PKIA: variants seen among roughly 807,000 people sequenced by gnomAD.
The protein encoded by PKIA is cAMP-dependent protein kinase inhibitor alpha.
Under a neutral mutation model 7.6 loss-of-function variants are expected in PKIA, and 4 were observed. The observed-to-expected ratio is 0.52, with a 90% CI of 0.26 to 1.20. PKIA has a LOEUF of 1.20. Among genes scored for constraint, PKIA ranks in the 50% most tolerant of loss-of-function variants. The probability of loss-of-function intolerance (pLI) is 0.13; values close to 1 mark genes in which losing one functional copy is unlikely to be tolerated. For missense variants in PKIA, 73 were observed against 86.2 expected, an observed-to-expected ratio of 0.85 and a Z score of 0.61; for synonymous variants, 21 against 30.7, an observed-to-expected ratio of 0.68 and a Z score of 1.04.
At chr8:78,585,871 T>C (rs184760526) in intron 2 of PKIA, among the ~76,000 whole-genome samples, 1 of 152,300 alleles carries the variant, frequency 6.6e-6, no homozygotes, top group East Asian at 1.9e-4. Context: ...AGCTTAAATG[T>C]AGCATTGTGG....
intron 1 of PKIA, among the ~76,000 whole-genome samples, chr8:78,528,786 G>A (rs1177985137): frequency 2.6e-5 from 4 of 151,446 alleles, no homozygotes; most frequent in Admixed American, 1.3e-4. Flanking sequence ...GTACTGTAGC[G>A]AGACCTCGTC....
intron 1 of PKIA, among the ~76,000 whole-genome samples, chr8:78,524,166 GTATAAACATTTATATTTATA>G (rs1444573876): frequency 6.4e-5 from 8 of 125,440 alleles, no homozygotes; most frequent in East Asian, 2.1e-4. Context: ...ATAAATATAT[GTATAAACATTTATATTTATA>G]TATAAACATT....
intron 2 of PKIA, among the ~76,000 whole-genome samples, chr8:78,592,261 C>G (rs1244050620): frequency 6.6e-6 from 1 of 151,888 alleles, no homozygotes; most frequent in African/African-American, 2.4e-5. Flanking sequence ...TGTATGTGTT[C>G]CTTCATTCAC....
intron 1 of PKIA, among the ~76,000 whole-genome samples, chr8:78,541,824 T>G (rs1229296447): frequency 2.0e-5 from 3 of 149,012 alleles, no homozygotes; most frequent in Non-Finnish European, 4.5e-5. Context: ...TTTTTTTTTT[T>G]TAGATTCCCT....
intron 1 of PKIA, among the ~76,000 whole-genome samples, chr8:78,529,815 T>C (rs183289823): frequency 5.3e-5 from 8 of 152,034 alleles, no homozygotes; most frequent in African/African-American, 1.4e-4. Context: ...TGGAGGAAAA[T>C]ATTAAAAGGA....
In PKIA at chr8:78,524,036, TTATA is replaced by T. The variant is rs1211594763; in HGVS notation, c.-157+7575_-157+7578del. Among the ~76,000 whole-genome samples the T allele has an allele frequency of 2.9e-4, 29 of 100,362 alleles. 1 individual carries two copies. The highest frequency in any genetic ancestry group is 1.8e-4 in the Non-Finnish European group (9 of 50,376). 65.8% of individuals were successfully genotyped at this position (100,362 alleles called of 152,430 possible). The stretch of plus-strand genomic sequence containing the variant: ...TATATATAAACGTTTATATAAACGT[TTATA>T]TATATAAATATATATAAACATTTAT... On this transcript the variant is annotated intron_variant, in intron 1 of 3. Transcript: ENST00000396418.
chr8:78,535,112 A>G (rs768749847), intron 1 of PKIA: 5 of 152,144 alleles, frequency 3.3e-5, no homozygotes, highest in Non-Finnish European at 7.4e-5. Flanking sequence ...GTTTAAATGT[A>G]AAGAGCAGTT....
chr8:78,597,183 C>T (rs1028168087), intron 2 of PKIA, among the ~76,000 whole-genome samples: 4 of 151,846 alleles, frequency 2.6e-5, no homozygotes, highest in East Asian at 1.9e-4. Flanking sequence ...TGGTTCTTTA[C>T]GAATTTCAGA....
intron 1 of PKIA, among the ~76,000 whole-genome samples, chr8:78,562,532 G>A (rs910896046): frequency 6.6e-6 from 1 of 152,100 alleles, no homozygotes; most frequent in African/African-American, 2.4e-5. Flanking sequence ...ACCTTCATGG[G>A]TTCCAGGCAT....
intron 1 of PKIA, among the ~76,000 whole-genome samples, chr8:78,569,026 C>T (rs964407358): frequency 6.6e-6 from 1 of 152,102 alleles, no homozygotes; most frequent in African/African-American, 2.4e-5. Context: ...TCATGCCAGA[C>T]AGAGCTAATT....
chr8:78,537,754 CA>C (rs1806568497), intron 1 of PKIA, among the ~76,000 whole-genome samples: 1 of 152,008 alleles, frequency 6.6e-6, no homozygotes, highest in Non-Finnish European at 1.5e-5. Flanking sequence ...TGCATCCTTA[CA>C]GTAGATTATC....
At chr8:78,573,852 C>T (rs1030784729) in intron 2 of PKIA, among the ~76,000 whole-genome samples, 2 of 151,854 alleles carry the variant, frequency 1.3e-5, no homozygotes, top group Non-Finnish European at 2.9e-5. Context: ...GAATAAGTCC[C>T]CATGATTCTA....
intron 2 of PKIA, among the ~76,000 whole-genome samples, chr8:78,578,071 A>T (rs1238749098): frequency 1.3e-5 from 2 of 151,992 alleles, no homozygotes; most frequent in Admixed American, 1.3e-4. Context: ...CATTTTATAG[A>T]TGACTTATAG....
At chr8:78,597,083 G>A (rs1172086555) in intron 2 of PKIA, among the ~76,000 whole-genome samples, 2 of 152,110 alleles carry the variant, frequency 1.3e-5, no homozygotes, top group Non-Finnish European at 2.9e-5. Flanking sequence ...GGTTCCCATA[G>A]CCTTGTAGTA....
At chr8:78,586,517 T>A (rs1807953405) in intron 2 of PKIA, among the ~76,000 whole-genome samples, 1 of 152,106 alleles carries the variant, frequency 6.6e-6, no homozygotes, top group Non-Finnish European at 1.5e-5. Flanking sequence ...ATCACCTGGA[T>A]AATTAAACCA....
At chr8:78,535,692 G>T (rs1264943836) in intron 1 of PKIA, 1 of 151,858 alleles carries the variant, frequency 6.6e-6, no homozygotes, top group Non-Finnish European at 1.5e-5. Flanking sequence ...CCGAATCTGG[G>T]GTTCTGCATC....
At chr8:78,556,383 A>G (rs1807136481) in intron 1 of PKIA, 1 of 152,122 alleles carries the variant, frequency 6.6e-6, no homozygotes. Flanking sequence ...TGGGAAGTAA[A>G]AAAATCAATT....
intron 2 of PKIA, among the ~76,000 whole-genome samples, chr8:78,574,973 T>G (rs1807639338): frequency 6.6e-6 from 1 of 151,956 alleles, no homozygotes; most frequent in Non-Finnish European, 1.5e-5. Flanking sequence ...AAGGAAGAAT[T>G]TCTTTTCTTA....
intron 1 of PKIA, among the ~76,000 whole-genome samples, chr8:78,564,071 T>TG (rs1807347926): frequency 6.6e-6 from 1 of 151,992 alleles, no homozygotes; most frequent in Non-Finnish European, 1.5e-5. Flanking sequence ...GGCCATTTAC[T>TG]GGCTTCTATT....
Sources: gnomAD v4.1 joint callset for allele counts (sites outside exome capture counted in the v4.1 genomes callset) on GRCh38, gnomAD v4.1.1 for gene constraint, MANE v1.5 for transcripts, NCBI Gene and HGNC (gene_info 2026-07-23, HGNC 2026-07-21) for gene names.